The following CATSPERT variants were observed in gnomAD, a reference collection of about 807,000 sequenced individuals.
CATSPERT encodes cation channel sperm-associated targeting subunit tau.
At chr2:201,538,034 A>C in the CATSPERT span, among the ~76,000 whole-genome samples, 2 of 152,022 alleles carry the variant, frequency 1.3e-5, no homozygotes, top group Admixed American at 1.3e-4. Context: ...TGGTGGTAAG[A>C]ACAATTCACA....
the CATSPERT span, among the ~76,000 whole-genome samples, chr2:201,539,561 T>TG: frequency 4.1e-5 from 1 of 24,326 alleles, no homozygotes; most frequent in Non-Finnish European, 1.3e-4. Flanking sequence ...AACGAGGTTG[T>TG]TTTTTTTTTG....
chr2:201,493,432 A>G, the CATSPERT span: 1 of 1,537,192 alleles, frequency 6.5e-7, no homozygotes, highest in Admixed American at 2.0e-5. Context: ...GGAATCCTTT[A>G]GGTTTCCTTT....
At chr2:201,563,492 G>A in the CATSPERT span, among the ~76,000 whole-genome samples, 2 of 146,384 alleles carry the variant, frequency 1.4e-5, no homozygotes, top group South Asian at 2.2e-4. Context: ...CTCCCGGACG[G>A]GGCGGCTGGC....
the CATSPERT span, among the ~76,000 whole-genome samples, chr2:201,558,818 C>T: frequency 2.0e-5 from 3 of 152,158 alleles, no homozygotes; most frequent in Admixed American, 2.0e-4. Flanking sequence ...GTGGCCACTG[C>T]ACCTCTCCAG....
At chr2:201,581,580 A>G in the CATSPERT span, among the ~76,000 whole-genome samples, 1 of 82,570 alleles carries the variant, frequency 1.2e-5, no homozygotes, top group African/African-American at 5.0e-5. Context: ...ATATATATAT[A>G]TATATATATA....
At chr2:201,491,714 T>TAA in the CATSPERT span, 1 of 1,537,064 alleles carries the variant, frequency 6.5e-7, no homozygotes, top group African/African-American at 1.4e-5. Flanking sequence ...GCTTCAGGTT[T>TAA]TTCCTGAACA....
chr2:201,535,378 T>C, the CATSPERT span: 8 of 979,776 alleles, frequency 8.2e-6, no homozygotes, highest in Non-Finnish European at 9.7e-6. Flanking sequence ...TATAAAGATA[T>C]AAGTAGAATG....
At chr2:201,584,589 C>T in the CATSPERT span, among the ~76,000 whole-genome samples, 1 of 151,922 alleles carries the variant, frequency 6.6e-6, no homozygotes, top group Non-Finnish European at 1.5e-5. Context: ...TCGAGACCAG[C>T]CTGACCAACA....
At chr2:201,518,348 T>C in the CATSPERT span, among the ~76,000 whole-genome samples, 15 of 152,230 alleles carry the variant, frequency 9.9e-5, no homozygotes, top group Non-Finnish European at 2.1e-4. Context: ...TCAGGGCTTA[T>C]GAGCCACTGC....
chr2:201,498,994 C>T, the CATSPERT span, among the ~76,000 whole-genome samples: 2 of 151,608 alleles, frequency 1.3e-5, no homozygotes, highest in Non-Finnish European at 2.9e-5. Flanking sequence ...ATCCAGGAAA[C>T]ACACTGGTTC....
the CATSPERT span, among the ~76,000 whole-genome samples, chr2:201,548,554 A>G: frequency 6.6e-6 from 1 of 152,088 alleles, no homozygotes; most frequent in Non-Finnish European, 1.5e-5. Context: ...TACATATACA[A>G]TATCTTCCAC....
At chr2:201,562,149 TTCC>T in the CATSPERT span, among the ~76,000 whole-genome samples, 1 of 151,870 alleles carries the variant, frequency 6.6e-6, no homozygotes, top group Non-Finnish European at 1.5e-5. Context: ...GCTGACTCCT[TTCC>T]TTTAATGTTA....
the CATSPERT span, among the ~76,000 whole-genome samples, chr2:201,541,532 TATATATATATATA>T: frequency 1.6e-3 from 1 of 640 alleles, no homozygotes; most frequent in East Asian, 0.25. Context: ...CAGATGATTT[TATATATATATATA>T]TATATATATA....
the CATSPERT span, chr2:201,491,754 T>C: frequency 6.5e-7 from 1 of 1,537,156 alleles, no homozygotes; most frequent in Non-Finnish European, 8.7e-7. Context: ...CATGCTCCTT[T>C]CTATCAAGGG....
chr2:201,577,951 A>T, the CATSPERT span, among the ~76,000 whole-genome samples: 1 of 152,222 alleles, frequency 6.6e-6, no homozygotes, highest in Non-Finnish European at 1.5e-5. Flanking sequence ...GTATACATAG[A>T]TCAAAACATC....
chr2:201,506,268 AAAACAAACAAACAAAC>A, the CATSPERT span, among the ~76,000 whole-genome samples: 1 of 151,082 alleles, frequency 6.6e-6, no homozygotes, highest in Non-Finnish European at 1.5e-5. Flanking sequence ...CTCCGTCTCA[AAAACAAACAAACAAAC>A]AAACAAACAA....
At chr2:201,605,257 A>T in the CATSPERT span, among the ~76,000 whole-genome samples, 1 of 152,140 alleles carries the variant, frequency 6.6e-6, no homozygotes, top group African/African-American at 2.4e-5. Context: ...GAGAAAGAGA[A>T]AGTTCAACAT....
At chr2:201,529,262 T>C in the CATSPERT span, among the ~76,000 whole-genome samples, 1 of 152,120 alleles carries the variant, frequency 6.6e-6, no homozygotes, top group Non-Finnish European at 1.5e-5. Context: ...AAAACCCATA[T>C]GGAACCATAA....
the CATSPERT span, among the ~76,000 whole-genome samples, chr2:201,615,489 A>G: frequency 1.3e-5 from 2 of 152,246 alleles, no homozygotes; most frequent in Non-Finnish European, 2.9e-5. Flanking sequence ...GCAGAAATAA[A>G]GATGTTCTTT....
Sources: allele counts gnomAD v4.1 joint callset (sites outside exome capture counted in the v4.1 genomes callset), GRCh38; gene constraint gnomAD v4.1.1; transcripts MANE v1.5; gene names NCBI Gene and HGNC (gene_info 2026-07-23, HGNC 2026-07-21).